Variants in HSD11B1 observed in about 807,000 individuals in gnomAD.
HSD11B1 encodes hydroxysteroid 11-beta dehydrogenase 1.
Under a neutral mutation model 22.1 loss-of-function variants are expected in HSD11B1, and 15 were observed. The observed-to-expected ratio is 0.68, with a 90% CI of 0.45 to 1.04. The LOEUF (loss-of-function observed/expected upper bound fraction) is 1.04, where lower values mean the gene tolerates loss of function less well. Ranked by LOEUF, HSD11B1 falls within the 50% of genes least tolerant of loss-of-function variation. HSD11B1 has a pLI of 0.00. For synonymous variants in HSD11B1, 122 were observed against 125.2 expected, an observed-to-expected ratio of 0.97 and a Z score of 0.17; for missense variants, 281 against 357.6, an observed-to-expected ratio of 0.79 and a Z score of 1.73.
chr1:209,689,215 C>A (rs2076745219), intron 1 of HSD11B1, among the ~76,000 whole-genome samples: 1 of 152,128 alleles, frequency 6.6e-6, no homozygotes, highest in Non-Finnish European at 1.5e-5. Flanking sequence ...ACACAAACAG[C>A]CTAGCTCTAC....
chr1:209,693,012 C>G (rs2076770343), intron 1 of HSD11B1, among the ~76,000 whole-genome samples: 2 of 152,126 alleles, frequency 1.3e-5, no homozygotes, highest in African/African-American at 4.8e-5. Flanking sequence ...TTCAGTTAAC[C>G]CATAAATCCC....
At position 209,694,827 on chromosome 1, in the gene HSD11B1, G is replaced by A. The variant is rs1321057696; in HGVS notation, c.-49+8542G>A. ...TGAATACCAAATATTTCACAAGCTTGTTTTAAAAATTAATAGATTGGGGAA... is the reference window on the plus strand; with the variant it reads ...TGAATACCAAATATTTCACAAGCTTATTTTAAAAATTAATAGATTGGGGAA... On this transcript the variant is annotated intron_variant, in intron 1 of 6. Coordinates refer to the HSD11B1 transcript ENST00000261465. Among the ~76,000 whole-genome samples, 6 of 152,312 alleles carry A rather than the reference G, an allele frequency of 3.9e-5. No homozygotes were observed. The East Asian group carries it at 1.2e-3, about 29-fold the overall frequency.
At chr1:209,698,053 T>C (rs550415960) in intron 1 of HSD11B1, among the ~76,000 whole-genome samples, 22 of 151,956 alleles carry the variant, frequency 1.4e-4, no homozygotes, top group African/African-American at 4.8e-4. Flanking sequence ...AGTGTAAGTA[T>C]GTTCCTTTCA....
At chr1:209,697,884 CTTTTTTTTTTTTTT>C (rs988076432) in intron 1 of HSD11B1, among the ~76,000 whole-genome samples, 27 of 41,608 alleles carry the variant, frequency 6.5e-4, no homozygotes, top group Admixed American at 1.8e-3. Context: ...TTGTTTTTTC[CTTTTTTTTTTTTTT>C]TTTTTTTTTT....
At chr1:209,724,620 T>C (rs894600222) in intron 4 of HSD11B1, among the ~76,000 whole-genome samples, 5 of 152,208 alleles carry the variant, frequency 3.3e-5, no homozygotes, top group Non-Finnish European at 5.9e-5. Context: ...GCCTTTTGAC[T>C]CATGGAATCT....
intron 1 of HSD11B1, 104 bp from the exon 2 acceptor site, chr1:209,705,707 C>G: frequency 7.0e-7 from 1 of 1,420,006 alleles, no homozygotes; most frequent in Admixed American, 1.7e-5. Context: ...GGGCTCATAA[C>G]CTTTAAGTTA....
At chr1:209,702,419 G>T (rs147499784), upstream of HSD11B1, among the ~76,000 whole-genome samples, 1,084 of 152,298 alleles carry the variant, frequency 7.1e-3, 51 homozygotes, top group Admixed American at 0.066. Context: ...TGTCCTCCAG[G>T]AGTTTACAAG....
chr1:209,730,921 A>T (rs1012616935), intron 4 of HSD11B1, among the ~76,000 whole-genome samples: 1 of 152,246 alleles, frequency 6.6e-6, no homozygotes, highest in Admixed American at 6.5e-5. Context: ...CCAAGAGCAG[A>T]TAGAAAATGG....
Position 209,734,541 on chromosome 1 carries a change from C to A in HSD11B1, c.*20C>A. 2 of 1,561,032 alleles carry A rather than the reference C, an allele frequency of 1.3e-6. No homozygotes were observed. The highest frequency in any genetic ancestry group is 1.8e-6 in the Non-Finnish European group (2 of 1,133,406). On this transcript the variant is annotated 3_prime_UTR_variant, in exon 6 of 6. Coordinates refer to ENST00000367027, the MANE Select transcript of HSD11B1 (RefSeq NM_005525.4). ...AAGTAGGAACTCCCTGAGGGCTGGG[C>A]ATGCTGAGGGATTTTGGGACTGTTC...
At chr1:209,690,587 C>G (rs1436576147) in intron 1 of HSD11B1, among the ~76,000 whole-genome samples, 1 of 152,048 alleles carries the variant, frequency 6.6e-6, no homozygotes, top group Non-Finnish European at 1.5e-5. Context: ...ATCCCATCTA[C>G]TCAGGAGGCT....
chr1:209,722,884 T>G (rs1265433174), intron 4 of HSD11B1, among the ~76,000 whole-genome samples: 4 of 152,208 alleles, frequency 2.6e-5, no homozygotes, highest in Non-Finnish European at 5.9e-5. Context: ...TTGGTAATCA[T>G]TTCAAAATCT....
At chr1:209,701,295 G>A (rs1271784781), upstream of HSD11B1, among the ~76,000 whole-genome samples, 4 of 152,286 alleles carry the variant, frequency 2.6e-5, no homozygotes, top group African/African-American at 7.2e-5. Flanking sequence ...TTCTTACATG[G>A]CAGTAGCAAG....
chr1:209,709,513 T>A (rs1358381771), intron 4 of HSD11B1, among the ~76,000 whole-genome samples: 1 of 152,190 alleles, frequency 6.6e-6, no homozygotes, highest in Non-Finnish European at 1.5e-5. Flanking sequence ...GAATTTACAA[T>A]GGCTTAAGCA....
chr1:209,711,559 C>T (rs970129014), intron 4 of HSD11B1, among the ~76,000 whole-genome samples: 3 of 151,866 alleles, frequency 2.0e-5, no homozygotes, highest in Admixed American at 2.0e-4. Flanking sequence ...TGGGGAGTGG[C>T]GATGGCTGCA....
chr1:209,695,788 A>G (rs1212557176), intron 1 of HSD11B1, among the ~76,000 whole-genome samples: 1 of 152,208 alleles, frequency 6.6e-6, no homozygotes, highest in Non-Finnish European at 1.5e-5. Flanking sequence ...GCCTGGCCAC[A>G]GAGTGAGACT....
At chr1:209,690,281 G>A (rs1009569841) in intron 1 of HSD11B1, among the ~76,000 whole-genome samples, 1 of 152,164 alleles carries the variant, frequency 6.6e-6, no homozygotes, top group African/African-American at 2.4e-5. Flanking sequence ...GCTCCAGCCT[G>A]GGCAACAGAG....
Position 209,734,346 on chromosome 1 carries a change from C to A in HSD11B1, c.704C>A (p.Ala235Glu). The change falls in exon 6 of 6, where the codon GCA (alanine) becomes GAA (glutamate). Residue 235 changes from alanine (A) to glutamate (E), a missense_variant. By Grantham distance (107) the Ala-to-Glu change is moderately radical (BLOSUM62 -1). Transcript: ENST00000367027. ...GTTTCTGGGATAGTCCATATGCAAGCAGCTCCAAAGGAGGAATGTGCCCTG... is the reference window on the plus strand; with the variant it reads ...GTTTCTGGGATAGTCCATATGCAAGAAGCTCCAAAGGAGGAATGTGCCCTG... ...KAVSGIVHMQ[A>E]APKEECALEI... 1.2e-6 allele frequency: 2 copies of A among 1,614,130 alleles called. No individual in the cohort carries two copies. Among genetic ancestry groups the A allele is most frequent in the Non-Finnish European group, 1.7e-6 (2 of 1,179,998 alleles).
chr1:209,705,199 G>A (rs1289582013), intron 1 of HSD11B1, among the ~76,000 whole-genome samples, 169 bp downstream of exon 1: 1 of 152,110 alleles, frequency 6.6e-6, no homozygotes, highest in Non-Finnish European at 1.5e-5. Context: ...TGTGGACAGG[G>A]GGGACTGTGT....
chr1:209,733,272 C>A (rs1489903851), intron 5 of HSD11B1, among the ~76,000 whole-genome samples: 6 of 152,100 alleles, frequency 3.9e-5, no homozygotes, highest in Non-Finnish European at 7.4e-5. Flanking sequence ...GGTGTTCTTG[C>A]CAAAATACAT....
Sources: allele counts gnomAD v4.1 joint callset (sites outside exome capture counted in the v4.1 genomes callset), GRCh38; gene constraint gnomAD v4.1.1; transcripts MANE v1.5; gene names NCBI Gene and HGNC (gene_info 2026-07-23, HGNC 2026-07-21).